Variants in DEPDC5 observed in about 807,000 individuals in gnomAD.
DEPDC5 encodes DEP domain containing 5, GATOR1 subcomplex subunit, also known as GATOR1 complex protein DEPDC5.
Under a neutral mutation model 217.3 loss-of-function variants are expected in DEPDC5, and 73 were observed. The ratio of observed to expected loss-of-function variants is 0.34; its 90% CI spans 0.28 to 0.41. The LOEUF is 0.41. DEPDC5 is among the 10% of genes least tolerant of loss of function. The pLI, the probability that DEPDC5 is intolerant of heterozygous loss-of-function variation, is 1.00. For missense variants in DEPDC5, 1,675 were observed against 2,070.1 expected, an observed-to-expected ratio of 0.81 and a Z score of 3.70; for synonymous variants, 733 against 756.7, an observed-to-expected ratio of 0.97 and a Z score of 0.51.
At chr22:31,842,648 G>A (rs1262028430) in intron 27 of DEPDC5, among the ~76,000 whole-genome samples, 1 of 151,832 alleles carries the variant, frequency 6.6e-6, no homozygotes. Flanking sequence ...CTTTTAGACT[G>A]AAACTTGGTA....
At chr22:31,838,153 A>G (rs2091156759) in intron 26 of DEPDC5, among the ~76,000 whole-genome samples, 1 of 152,160 alleles carries the variant, frequency 6.6e-6, no homozygotes, top group Non-Finnish European at 1.5e-5. Flanking sequence ...TTTTGGGCAC[A>G]CTAAATCTGA....
At chr22:31,798,681 C>T (rs772277367) in intron 14 of DEPDC5, 25 bp downstream of exon 14, 1 of 1,603,984 alleles carries the variant, frequency 6.2e-7, no homozygotes, top group African/African-American at 1.3e-5. Flanking sequence ...CGGCCATGAG[C>T]CAGCATCTTG....
intron 38 of DEPDC5, among the ~76,000 whole-genome samples, chr22:31,881,150 A>T (rs905789426): frequency 6.6e-6 from 1 of 151,820 alleles, no homozygotes; most frequent in Non-Finnish European, 1.5e-5. Flanking sequence ...GTCTCTACCA[A>T]AATCAGTCAG....
At chr22:31,864,790 G>C (rs984912746) in intron 33 of DEPDC5, among the ~76,000 whole-genome samples, 1 of 152,018 alleles carries the variant, frequency 6.6e-6, no homozygotes, top group African/African-American at 2.4e-5. Context: ...CTGGGTTCAA[G>C]TGATTCTTCT....
intron 17 of DEPDC5, 69 bp downstream of exon 17, chr22:31,804,984 A>G: frequency 6.9e-7 from 1 of 1,444,752 alleles, no homozygotes; most frequent in Non-Finnish European, 9.6e-7. Context: ...TTTTCTTTAA[A>G]TCTGTTAAGT....
chr22:31,788,119 C>T (rs1370762503), intron 10 of DEPDC5, among the ~76,000 whole-genome samples: 2 of 151,752 alleles, frequency 1.3e-5, no homozygotes, highest in East Asian at 1.9e-4. Flanking sequence ...AACAAATGGG[C>T]AAAGGACTTG....
At chr22:31,843,874 T>G in intron 29 of DEPDC5, 62 bp downstream of exon 29, 1 of 1,488,482 alleles carries the variant, frequency 6.7e-7, no homozygotes, top group East Asian at 2.3e-5. Flanking sequence ...GTATGTGTAT[T>G]TTAACACTTT....
intron 33 of DEPDC5, among the ~76,000 whole-genome samples, chr22:31,865,901 G>T (rs140269134): frequency 2.4e-4 from 36 of 152,138 alleles, no homozygotes; most frequent in Non-Finnish European, 4.3e-4. Context: ...CTCTGTCTGC[G>T]TGGCAGGAGC....
At chr22:31,897,152 C>A (rs2093567861) in intron 39 of DEPDC5, among the ~76,000 whole-genome samples, 2 of 152,066 alleles carry the variant, frequency 1.3e-5, no homozygotes, top group South Asian at 4.1e-4. Flanking sequence ...GACTTAACCT[C>A]TATCCTGTGA....
rs763998016 is a variant in DEPDC5 at position 31,790,245 on chromosome 22, A to G, written c.625-1788A>G. On this transcript the variant is annotated intron_variant, in intron 10 of 42. Transcript: ENST00000651528. ...AAATGTACATTATATTATGTGCCTT[A>G]TATAGTGAGTGTTGAATTCTGTAGT... Among the ~76,000 whole-genome samples, 17 of 152,166 alleles carry G rather than the reference A, an allele frequency of 1.1e-4. 1 individual carries two copies. The highest frequency in any genetic ancestry group is 2.5e-4 in the Non-Finnish European group (17 of 68,034).
chr22:31,902,408 T>TA (rs2093663741), intron 41 of DEPDC5, among the ~76,000 whole-genome samples: 5 of 111,926 alleles, frequency 4.5e-5, no homozygotes, highest in South Asian at 2.9e-4. Flanking sequence ...CATCTCCTTA[T>TA]TATATATATA....
At chr22:31,877,606 T>A (rs2093037292) in intron 37 of DEPDC5, among the ~76,000 whole-genome samples, 1 of 143,490 alleles carries the variant, frequency 7.0e-6, no homozygotes. Flanking sequence ...AAAAAATAGC[T>A]GGGCATGGTG....
At chr22:31,765,443 C>G (rs1023283674) in intron 5 of DEPDC5, among the ~76,000 whole-genome samples, 1 of 152,048 alleles carries the variant, frequency 6.6e-6, no homozygotes, top group African/African-American at 2.4e-5. Flanking sequence ...GCCTGCACCA[C>G]CGCACCCAGC....
intron 21 of DEPDC5, among the ~76,000 whole-genome samples, chr22:31,818,022 C>G (rs2089323123): frequency 6.6e-6 from 1 of 151,992 alleles, no homozygotes; most frequent in Admixed American, 6.6e-5. Flanking sequence ...ATAATGATGG[C>G]CAAGACAAAT....
At chr22:31,797,777 T>C (rs989166265) in intron 13 of DEPDC5, 74 bp downstream of exon 13, 4 of 1,148,102 alleles carry the variant, frequency 3.5e-6, no homozygotes, top group South Asian at 2.5e-5. Flanking sequence ...AGAGAAGAGA[T>C]GTGTGCTTGT....
At chr22:31,763,241 G>A (rs1167525327) in intron 4 of DEPDC5, among the ~76,000 whole-genome samples, 1 of 151,638 alleles carries the variant, frequency 6.6e-6, no homozygotes, top group Non-Finnish European at 1.5e-5. Context: ...CGCCCTCCTC[G>A]GCCTCCCAAA....
At position 31,838,669 on chromosome 22, in the gene DEPDC5, C is replaced by T. The variant is rs376110122; in HGVS notation, c.2355-16C>T. On this transcript the variant is annotated splice_polypyrimidine_tract_variant and intron_variant, in intron 26 of 42. Coordinates refer to ENST00000651528, the MANE Select transcript of DEPDC5 (RefSeq NM_001242896.3). ...CGGGCCAAGCATCTGTATGAGCAAT[C>T]ATCTGTTGTTTTCAGGAGGGACGAA... 22 of 1,612,872 alleles carry T rather than the reference C, an allele frequency of 1.4e-5. No homozygotes were observed. The Middle Eastern group carries it at 6.7e-4, about 49-fold the overall frequency.
intron 3 of DEPDC5, among the ~76,000 whole-genome samples, chr22:31,760,227 C>T (rs1237286165): frequency 6.6e-6 from 1 of 152,006 alleles, no homozygotes; most frequent in Non-Finnish European, 1.5e-5. Context: ...ACCACTATGC[C>T]CGGCTAATTT....
At chr22:31,891,627 A>G (rs943740001) in intron 38 of DEPDC5, among the ~76,000 whole-genome samples, 6 of 152,238 alleles carry the variant, frequency 3.9e-5, no homozygotes, top group African/African-American at 1.4e-4. Flanking sequence ...CAGGGCTTCT[A>G]TCTGCAGAAC....
Sources: allele counts gnomAD v4.1 joint callset (sites outside exome capture counted in the v4.1 genomes callset), GRCh38; gene constraint gnomAD v4.1.1; transcripts MANE v1.5; gene names NCBI Gene and HGNC (gene_info 2026-07-23, HGNC 2026-07-21).